The following SDK1 variants were observed in gnomAD, a reference collection of about 807,000 sequenced individuals.
SDK1 encodes the protein protein sidekick-1.
A neutral mutation model predicts 245.5 loss-of-function variants in SDK1; 157 were observed. The observed-to-expected ratio is 0.64, with a 90% CI of 0.56 to 0.73. The LOEUF is 0.73. SDK1 is among the 30% of genes least tolerant of loss of function. The pLI is 0.00. For synonymous variants in SDK1, 1,647 were observed against 1,278.5 expected, an observed-to-expected ratio of 1.29 and a Z score of -6.15; for missense variants, 3,583 against 3,002.3, an observed-to-expected ratio of 1.19 and a Z score of -4.52.
intron 5 of SDK1, among the ~76,000 whole-genome samples, chr7:3,950,219 C>G (rs1453043486): frequency 6.6e-6 from 1 of 152,198 alleles, no homozygotes. Context: ...TGTGCTTGGA[C>G]CCCATCTCAT....
intron 30 of SDK1, among the ~76,000 whole-genome samples, chr7:4,155,904 A>G (rs930250402): frequency 6.6e-6 from 1 of 152,164 alleles, no homozygotes; most frequent in South Asian, 2.1e-4. Context: ...ACCCATCATG[A>G]TGCAGAAGAT....
intron 5 of SDK1, among the ~76,000 whole-genome samples, chr7:3,872,838 G>T (rs6971803): frequency 0.28 from 42,794 of 151,784 alleles, 7,224 homozygotes; most frequent in African/African-American, 0.48. Context: ...GCTTCACACG[G>T]AGTATAAGGA....
intron 1 of SDK1, among the ~76,000 whole-genome samples, chr7:3,387,402 T>G (rs1462092358): frequency 6.6e-6 from 1 of 152,156 alleles, no homozygotes; most frequent in African/African-American, 2.4e-5. Context: ...CTGATGAAGG[T>G]TATTTCATTT....
chr7:3,389,694 G>C (rs1781698164), intron 1 of SDK1, among the ~76,000 whole-genome samples: 1 of 152,206 alleles, frequency 6.6e-6, no homozygotes, highest in African/African-American at 2.4e-5. Context: ...GAGCCTGGGA[G>C]GTAGAGGGAG....
intron 5 of SDK1, among the ~76,000 whole-genome samples, chr7:3,930,815 A>G (rs1018062041): frequency 4.6e-5 from 7 of 152,140 alleles, no homozygotes; most frequent in Admixed American, 1.3e-4. Flanking sequence ...AGAAAAGAAA[A>G]AAGAAAAGTC....
intron 1 of SDK1, among the ~76,000 whole-genome samples, chr7:3,526,363 C>A (rs1783131026): frequency 6.6e-6 from 1 of 152,108 alleles, no homozygotes; most frequent in Admixed American, 6.6e-5. Flanking sequence ...ATATTTTTCA[C>A]ATATTGGAGA....
At position 4,175,810 on chromosome 7, in the gene SDK1, A is replaced by T. The variant is rs780297176; in HGVS notation, c.4972A>T (p.Thr1658Ser). ...SSFKTVNSSS[T>S]STMCELTHLK... Reference sequence around the variant, plus strand: ...CTTCAAGACGGTGAACAGCAGCTCCACATCGACGATGTGTGAACTAACACG... The same window carrying T: ...CTTCAAGACGGTGAACAGCAGCTCCTCATCGACGATGTGTGAACTAACACG... Residue 1658 changes from threonine (T) to serine (S), a missense_variant, in exon 34 of 45, where the codon ACA (threonine) becomes TCA (serine). Thr to Ser is a moderately conservative substitution (Grantham distance 58). Coordinates refer to ENST00000404826, the MANE Select transcript of SDK1 (RefSeq NM_152744.4). The T allele has an allele frequency of 1.9e-6, 3 of 1,613,718 alleles. No individual in the cohort carries two copies. The highest frequency in any genetic ancestry group is 2.7e-5 in the African/African-American group (2 of 74,946).
At chr7:4,065,699 T>G (rs187802384) in intron 19 of SDK1, among the ~76,000 whole-genome samples, 1,856 of 71,144 alleles carry the variant, frequency 0.026, 9 homozygotes, top group African/African-American at 0.047. Flanking sequence ...TTGTTGTTTT[T>G]TTTTTTTTTT....
chr7:3,658,306 C>G (rs1328110613), intron 4 of SDK1, among the ~76,000 whole-genome samples: 1 of 152,156 alleles, frequency 6.6e-6, no homozygotes, highest in Non-Finnish European at 1.5e-5. Flanking sequence ...GCATTTGCTT[C>G]CAAGTGACAG....
intron 4 of SDK1, among the ~76,000 whole-genome samples, chr7:3,787,101 C>A (rs928784174): frequency 3.4e-5 from 5 of 148,914 alleles, no homozygotes; most frequent in Admixed American, 6.7e-5. Context: ...ACAATATATT[C>A]GTGTCACTAA....
At chr7:3,711,478 C>T (rs1562388526) in intron 4 of SDK1, among the ~76,000 whole-genome samples, 1 of 152,072 alleles carries the variant, frequency 6.6e-6, no homozygotes, top group South Asian at 2.1e-4. Flanking sequence ...TGACTCAGGT[C>T]ATGGAGGTGA....
At chr7:4,259,420 A>T (rs575025238) in intron 44 of SDK1, among the ~76,000 whole-genome samples, 7 of 152,332 alleles carry the variant, frequency 4.6e-5, no homozygotes, top group Admixed American at 2.6e-4. Flanking sequence ...GGGCTACAAG[A>T]GTGAAACTCT....
At position 4,205,849 on chromosome 7, in the gene SDK1, C is replaced by G. The variant is rs111377518; in HGVS notation, c.5099-30C>G. The stretch of plus-strand genomic sequence containing the variant: ...CCGGGCCGGCTCTGAATGAACGTCT[C>G]AGCTTCTCTCCGCATTGCTCTTTCC... On this transcript the variant is annotated intron_variant, in intron 35 of 44. Coordinates refer to ENST00000404826, the MANE Select transcript of SDK1 (RefSeq NM_152744.4). 4.6e-6 allele frequency: 7 copies of G among 1,524,694 alleles called. No homozygotes were observed. The African/African-American group carries it at 5.5e-5, about 12-fold the overall frequency. The allele number at this position is 1,524,694 out of a possible 1,614,324, so 94.4% of individuals were successfully genotyped here.
chr7:3,456,763 G>A (rs1211242038), intron 1 of SDK1, among the ~76,000 whole-genome samples: 7 of 152,092 alleles, frequency 4.6e-5, no homozygotes, highest in African/African-American at 9.7e-5. Flanking sequence ...TGGTTGTGAT[G>A]TGTGACTTTG....
chr7:3,970,410 G>T (rs1168920998), intron 11 of SDK1, among the ~76,000 whole-genome samples: 1 of 152,190 alleles, frequency 6.6e-6, no homozygotes, highest in Non-Finnish European at 1.5e-5. Flanking sequence ...GTACTAAAAA[G>T]CAGCTTTTGT....
intron 1 of SDK1, among the ~76,000 whole-genome samples, chr7:3,497,485 T>G (rs561045463): frequency 6.6e-6 from 1 of 152,182 alleles, no homozygotes; most frequent in African/African-American, 2.4e-5. Flanking sequence ...TCATTGCTAT[T>G]CGAGAGTGAG....
At chr7:3,545,170 A>G (rs1779178547) in intron 1 of SDK1, among the ~76,000 whole-genome samples, 1 of 152,120 alleles carries the variant, frequency 6.6e-6, no homozygotes, top group South Asian at 2.1e-4. Context: ...TTGACGCCTA[A>G]CAGACCTTTG....
chr7:3,515,192 AG>A (rs1382670033), intron 1 of SDK1, among the ~76,000 whole-genome samples: 1 of 152,196 alleles, frequency 6.6e-6, no homozygotes, highest in Non-Finnish European at 1.5e-5. Context: ...GAAGAAGAGC[AG>A]GGCTGTGCAA....
At chr7:3,314,328 A>G (rs946849467) in intron 1 of SDK1, among the ~76,000 whole-genome samples, 6 of 152,228 alleles carry the variant, frequency 3.9e-5, no homozygotes, top group African/African-American at 1.4e-4. Context: ...AGACCTTCAT[A>G]TTTAGCCAGT....
Sources: allele counts gnomAD v4.1 joint callset (sites outside exome capture counted in the v4.1 genomes callset), GRCh38; gene constraint gnomAD v4.1.1; transcripts MANE v1.5; gene names NCBI Gene and HGNC (gene_info 2026-07-23, HGNC 2026-07-21).